GNB4: variants seen among roughly 807,000 people sequenced by gnomAD.
GNB4 encodes the protein guanine nucleotide-binding protein subunit beta-4.
Under a neutral mutation model 45.2 loss-of-function variants are expected in GNB4, and 28 were observed. That is an observed-to-expected ratio of 0.62 (90% CI 0.46 to 0.85). The LOEUF (loss-of-function observed/expected upper bound fraction) is 0.85, where lower values mean the gene tolerates loss of function less well. Ranked by LOEUF, GNB4 falls within the 40% of genes least tolerant of loss-of-function variation. The pLI, the probability that GNB4 is intolerant of heterozygous loss-of-function variation, is 0.00. For missense variants in GNB4, 321 were observed against 425.4 expected (o/e 0.75, Z 2.16); for synonymous variants, 132 against 143.7 (o/e 0.92, Z 0.58).
At chr3:179,490,465 G>A in the GNB4 span, among the ~76,000 whole-genome samples, 1 of 152,166 alleles carries the variant, frequency 6.6e-6, no homozygotes, top group South Asian at 2.1e-4. Flanking sequence ...GGATTCATTA[G>A]GGGAGTTGGC....
chr3:179,487,241 A>C, the GNB4 span, among the ~76,000 whole-genome samples: 4 of 152,250 alleles, frequency 2.6e-5, no homozygotes, highest in Non-Finnish European at 5.9e-5. Context: ...ACTGCAATGA[A>C]TATGCCAATA....
intron 2 of GNB4, among the ~76,000 whole-genome samples, chr3:179,421,946 T>C (rs1714993399): frequency 6.6e-6 from 1 of 152,196 alleles, no homozygotes; most frequent in Non-Finnish European, 1.5e-5. Flanking sequence ...CCAAAAATGG[T>C]AGAGTTAAAG....
chr3:179,414,396 TG>T (rs777325280), intron 6 of GNB4, among the ~76,000 whole-genome samples: 10 of 152,140 alleles, frequency 6.6e-5, no homozygotes, highest in Non-Finnish European at 1.2e-4. Flanking sequence ...AAAATTCAGA[TG>T]GATAGATACC....
chr3:179,415,200 T>C (rs1714762162), intron 5 of GNB4, among the ~76,000 whole-genome samples, 153 bp from the exon 6 acceptor site: 1 of 152,184 alleles, frequency 6.6e-6, no homozygotes, highest in Admixed American at 6.5e-5. Flanking sequence ...AAGTGAACCA[T>C]GAAAAATACA....
the GNB4 span, among the ~76,000 whole-genome samples, chr3:179,463,347 T>C: frequency 3.3e-5 from 5 of 152,218 alleles, no homozygotes; most frequent in African/African-American, 4.8e-5. Flanking sequence ...TCTCATATTG[T>C]TTAAGAACAA....
At chr3:179,469,996 A>G in the GNB4 span, among the ~76,000 whole-genome samples, 1 of 152,190 alleles carries the variant, frequency 6.6e-6, no homozygotes, top group Non-Finnish European at 1.5e-5. Context: ...GATCCCATAG[A>G]TTACAAGGAA....
rs551925989 is a variant in GNB4 at position 179,411,197 on chromosome 3, A to G, written c.699+2215T>C. Reference sequence around the variant, plus strand: ...TAGAGCCAAATGGAAAATTTCAGCAACTCACTCAGTGAATATATGGGGCTC... The same window carrying G: ...TAGAGCCAAATGGAAAATTTCAGCAGCTCACTCAGTGAATATATGGGGCTC... On this transcript the variant is annotated intron_variant, in intron 8 of 9. Transcript: ENST00000232564. 4.6e-5 allele frequency among the ~76,000 whole-genome samples: 7 copies of G among 152,182 alleles called. No individual in the cohort carries two copies. In the East Asian group the frequency reaches 1.4e-3, roughly 29 times the overall value.
the GNB4 span, among the ~76,000 whole-genome samples, chr3:179,485,749 T>C: frequency 6.6e-6 from 1 of 151,878 alleles, no homozygotes; most frequent in South Asian, 2.1e-4. Context: ...AAGACCAGCC[T>C]GACCAACATG....
chr3:179,449,500 A>AG (rs1213059277), intron 1 of GNB4, among the ~76,000 whole-genome samples: 17 of 152,204 alleles, frequency 1.1e-4, no homozygotes, highest in African/African-American at 1.7e-4. Context: ...CTAAGTTAAT[A>AG]TGGCTCAGGG....
rs577664490 is a variant in GNB4, at chr3:179,408,943, C to T, written c.700-3537G>A. 3.9e-3 allele frequency among the ~76,000 whole-genome samples: 586 copies of T among 151,730 alleles called. 2 individuals are homozygous for T. The highest frequency in any genetic ancestry group is 0.01 in the Middle Eastern group (3 of 292). ...AAAAGATCACTTCAGCCCAGGAGTTCGAGACCAGCCTGGGCAACATGGCAA... is the reference window on the plus strand; with the variant it reads ...AAAAGATCACTTCAGCCCAGGAGTTTGAGACCAGCCTGGGCAACATGGCAA... On this transcript the variant is annotated intron_variant, in intron 8 of 9. Transcript: ENST00000232564.
At chr3:179,461,676 A>G in the GNB4 span, among the ~76,000 whole-genome samples, 2 of 152,358 alleles carry the variant, frequency 1.3e-5, no homozygotes, top group South Asian at 2.1e-4. Context: ...ATGATTGTCT[A>G]ATAAATCTAT....
At chr3:179,513,982 C>G in the GNB4 span, among the ~76,000 whole-genome samples, 4 of 152,272 alleles carry the variant, frequency 2.6e-5, 1 homozygote, top group African/African-American at 9.6e-5. Context: ...TTTACTCATT[C>G]AACACATTTT....
At chr3:179,423,535 G>A (rs1455545970) in intron 2 of GNB4, among the ~76,000 whole-genome samples, 4 of 152,176 alleles carry the variant, frequency 2.6e-5, no homozygotes, top group Non-Finnish European at 4.4e-5. Flanking sequence ...TGTAATCCCA[G>A]CACTTTGGGA....
intron 9 of GNB4, among the ~76,000 whole-genome samples, chr3:179,404,340 A>G (rs968908254): frequency 3.3e-5 from 5 of 152,210 alleles, no homozygotes; most frequent in African/African-American, 1.2e-4. Context: ...ATCCATGATA[A>G]TAGGTCAACA....
the GNB4 span, among the ~76,000 whole-genome samples, chr3:179,481,455 A>G: frequency 6.6e-6 from 1 of 151,924 alleles, no homozygotes; most frequent in Non-Finnish European, 1.5e-5. Context: ...GATTACAGAC[A>G]TGAGCCACCA....
chr3:179,446,188 A>T (rs1715719889), intron 1 of GNB4, among the ~76,000 whole-genome samples: 1 of 152,214 alleles, frequency 6.6e-6, no homozygotes, highest in Non-Finnish European at 1.5e-5. Context: ...CGGTCCCTGT[A>T]CCATCCACAC....
the GNB4 span, among the ~76,000 whole-genome samples, chr3:179,496,063 T>C: frequency 6.6e-6 from 1 of 152,130 alleles, no homozygotes; most frequent in East Asian, 1.9e-4. Context: ...TGTAAAACTG[T>C]AATGGTGGTA....
the GNB4 span, among the ~76,000 whole-genome samples, chr3:179,470,920 C>T: frequency 6.6e-6 from 1 of 152,164 alleles, no homozygotes; most frequent in Non-Finnish European, 1.5e-5. Context: ...TGGCTTACGC[C>T]TGTAATCCCA....
chr3:179,453,460 G>C (rs1368720316), upstream of GNB4, among the ~76,000 whole-genome samples: 3 of 152,134 alleles, frequency 2.0e-5, no homozygotes, highest in African/African-American at 7.2e-5. Flanking sequence ...CCTTGTTCCT[G>C]TGCACTAGCA....
Sources: allele counts gnomAD v4.1 joint callset (sites outside exome capture counted in the v4.1 genomes callset), GRCh38; gene constraint gnomAD v4.1.1; transcripts MANE v1.5; gene names NCBI Gene and HGNC (gene_info 2026-07-23, HGNC 2026-07-21).